The following GRAMD4 variants were observed in gnomAD, a reference collection of about 807,000 sequenced individuals.
The protein encoded by GRAMD4 is GRAM domain-containing protein 4.
A neutral mutation model predicts 83.9 loss-of-function variants in GRAMD4; 25 were observed. The observed-to-expected ratio is 0.30, with a 90% CI of 0.22 to 0.42. The LOEUF is 0.42. Among genes scored for constraint, GRAMD4 ranks in the 10% least tolerant of loss-of-function variants. The probability of loss-of-function intolerance (pLI) is 1.00; values close to 1 mark genes in which losing one functional copy is unlikely to be tolerated. For missense variants in GRAMD4, 593 were observed against 788.7 expected, an observed-to-expected ratio of 0.75 and a Z score of 2.97; for synonymous variants, 336 against 320.9, an observed-to-expected ratio of 1.05 and a Z score of -0.50.
intron 1 of GRAMD4, among the ~76,000 whole-genome samples, chr22:46,598,727 G>T (rs1160141615): frequency 6.6e-6 from 1 of 151,662 alleles, no homozygotes; most frequent in African/African-American, 2.4e-5. Context: ...TGAGGGCCAA[G>T]TATACCCGAA....
chr22:46,641,495 G>A (rs1024790282), intron 3 of GRAMD4, among the ~76,000 whole-genome samples: 1 of 152,224 alleles, frequency 6.6e-6, no homozygotes, highest in Non-Finnish European at 1.5e-5. Flanking sequence ...GATGAGGTTG[G>A]TGTGCTGTGC....
At chr22:46,642,818 G>A (rs551116423) in intron 3 of GRAMD4, among the ~76,000 whole-genome samples, 18 of 152,236 alleles carry the variant, frequency 1.2e-4, no homozygotes, top group Non-Finnish European at 2.1e-4. Flanking sequence ...AAGAATTCTT[G>A]TGTATTTTTC....
intron 3 of GRAMD4, among the ~76,000 whole-genome samples, chr22:46,650,005 A>G (rs1398499179): frequency 6.6e-6 from 1 of 151,950 alleles, no homozygotes; most frequent in African/African-American, 2.4e-5. Flanking sequence ...TTGGGCTGGG[A>G]GAGTTCAGGT....
At chr22:46,577,044 G>C (rs1314034577), upstream of GRAMD4, 2 of 146,198 alleles carry the variant, frequency 1.4e-5, no homozygotes, top group Non-Finnish European at 3.0e-5. Context: ...TTAAGGTGCG[G>C]CGCGGGGCGG....
intron 17 of GRAMD4, 89 bp downstream of exon 17, chr22:46,675,641 A>G (rs1191158591): frequency 1.2e-6 from 1 of 852,468 alleles, no homozygotes; most frequent in Non-Finnish European, 2.0e-6. Context: ...GACTTCTGCC[A>G]GCCTCTGTCA....
intron 1 of GRAMD4, among the ~76,000 whole-genome samples, chr22:46,584,202 G>C (rs73181062): frequency 6.6e-6 from 1 of 152,210 alleles, no homozygotes; most frequent in Non-Finnish European, 1.5e-5. Context: ...CCCAGGCCTA[G>C]AGTCAGCCCC....
chr22:46,663,686 C>T (rs528655938), intron 6 of GRAMD4, 152 bp from the exon 7 acceptor site: 37 of 732,366 alleles, frequency 5.1e-5, no homozygotes, highest in African/African-American at 3.5e-4. Context: ...TGTGCTGAGC[C>T]GCCGTGCATG....
intron 3 of GRAMD4, among the ~76,000 whole-genome samples, chr22:46,645,918 G>A (rs2082065883): frequency 6.6e-6 from 1 of 152,238 alleles, no homozygotes; most frequent in Non-Finnish European, 1.5e-5. Flanking sequence ...GCTCTGGGAG[G>A]TGAGATTCCC....
chr22:46,578,582 A>G (rs1355205950), intron 1 of GRAMD4, among the ~76,000 whole-genome samples: 1 of 151,948 alleles, frequency 6.6e-6, no homozygotes, highest in Non-Finnish European at 1.5e-5. Flanking sequence ...CTGAGCCTGA[A>G]GTCTGAAGTC....
In GRAMD4 at chr22:46,659,931, C is replaced by T. The variant is rs1003940741; in HGVS notation, c.405-1450C>T. ...GTTGCAACAGAGACCTGACCTGCCA[C>T]GCTGGGAGATCCCAGGGACAGGTGC... On this transcript the variant is annotated intron_variant, in intron 4 of 18. Transcript: ENST00000406902. This position sits in a 1 kb window ranked among gnomAD's most constrained non-coding sequence, Gnocchi z 4.1. 7.9e-5 allele frequency among the ~76,000 whole-genome samples: 12 copies of T among 152,348 alleles called. No individual in the cohort carries two copies. The South Asian group carries it at 1.7e-3, about 21-fold the overall frequency.
At chr22:46,577,804 C>T (rs1426209035) in intron 1 of GRAMD4, among the ~76,000 whole-genome samples, 2 of 152,226 alleles carry the variant, frequency 1.3e-5, no homozygotes, top group African/African-American at 2.4e-5. Flanking sequence ...TGTCTTCTCT[C>T]CCTTTGTTCG....
intron 1 of GRAMD4, among the ~76,000 whole-genome samples, chr22:46,597,598 T>TC (rs1248462107): frequency 5.9e-5 from 9 of 152,006 alleles, no homozygotes; most frequent in African/African-American, 2.2e-4. Context: ...CACACCATTC[T>TC]CCCGCCTCAG....
intron 1 of GRAMD4, among the ~76,000 whole-genome samples, chr22:46,600,301 C>T (rs946248826): frequency 1.3e-5 from 2 of 152,174 alleles, no homozygotes; most frequent in African/African-American, 4.8e-5. Flanking sequence ...GGAAAGGGCC[C>T]CCACAGATTT....
chr22:46,673,954 C>T, intron 15 of GRAMD4, 140 bp downstream of exon 15: 1 of 927,640 alleles, frequency 1.1e-6, no homozygotes, highest in Non-Finnish European at 1.7e-6. Context: ...ATCCCACTGC[C>T]CCAGGAGGAG....
intron 3 of GRAMD4, among the ~76,000 whole-genome samples, chr22:46,655,103 G>T (rs1416351120): frequency 6.6e-6 from 1 of 152,224 alleles, no homozygotes; most frequent in Non-Finnish European, 1.5e-5. Flanking sequence ...GGGTGGAAGA[G>T]AAGCTTCCTC....
intron 1 of GRAMD4, among the ~76,000 whole-genome samples, chr22:46,577,800 C>T (rs946953466): frequency 5.3e-5 from 8 of 152,352 alleles, no homozygotes; most frequent in African/African-American, 1.9e-4. Flanking sequence ...GCCCTGTCTT[C>T]TCTCCCTTTG....
chr22:46,623,642 C>T (rs536323540), intron 1 of GRAMD4, among the ~76,000 whole-genome samples: 16 of 151,974 alleles, frequency 1.1e-4, no homozygotes, highest in South Asian at 4.2e-4. Context: ...GTGATCCGCC[C>T]GCCCCGGCCT....
chr22:46,629,990 T>C (rs1307786101), intron 2 of GRAMD4, among the ~76,000 whole-genome samples: 1 of 152,056 alleles, frequency 6.6e-6, no homozygotes, highest in Non-Finnish European at 1.5e-5. Context: ...TGGCTGAACC[T>C]GTTTCATCAT....
chr22:46,634,899 T>G (rs2081835859), intron 2 of GRAMD4, among the ~76,000 whole-genome samples: 1 of 151,286 alleles, frequency 6.6e-6, no homozygotes, highest in Non-Finnish European at 1.5e-5. Flanking sequence ...TCCGAGATCA[T>G]GTCATTGCAC....
Sources: gnomAD v4.1 joint callset for allele counts (sites outside exome capture counted in the v4.1 genomes callset) on GRCh38, gnomAD v4.1.1 for gene constraint, Gnocchi (gnomAD v3.1) non-coding constraint, MANE v1.5 for transcripts, NCBI Gene and HGNC (gene_info 2026-07-23, HGNC 2026-07-21) for gene names.